The following ABCD3 variants were observed in gnomAD, a reference collection of about 807,000 sequenced individuals.
ABCD3 encodes the protein ATP binding cassette subfamily D member 3.
ABCD3 carries 41 observed loss-of-function variants against 105.5 expected under a neutral mutation model. The ratio of observed to expected loss-of-function variants is 0.39; its 90% CI spans 0.30 to 0.50. The LOEUF is 0.50. Ranked by LOEUF, ABCD3 falls within the 20% of genes least tolerant of loss-of-function variation. The pLI is 0.84. For synonymous variants in ABCD3, 258 were observed against 269.0 expected, an observed-to-expected ratio of 0.96 and a Z score of 0.40; for missense variants, 622 against 806.3, an observed-to-expected ratio of 0.77 and a Z score of 2.77.
chr1:94,391,672 C>T, the ABCD3 span, among the ~76,000 whole-genome samples: 1 of 152,180 alleles, frequency 6.6e-6, no homozygotes, highest in Non-Finnish European at 1.5e-5. Flanking sequence ...TCCTCTGGAT[C>T]CTCCTAGGAA....
chr1:94,418,656 C>T lies in ABCD3; in HGVS notation c.110+68C>T, dbSNP rs994056168. 8 of 1,485,142 alleles carry T rather than the reference C, an allele frequency of 5.4e-6. No homozygotes were observed. In the South Asian group the frequency reaches 6.0e-5, roughly 11 times the overall value. The allele number at this position is 1,485,142 out of a possible 1,614,324, so 92.0% of individuals were successfully genotyped here. ...GGCGCTCCCCGCGCGCTCTCTCTCC[C>T]CACCCGGCCGACAGGTCTCTTTGCC... On this transcript the variant is annotated intron_variant, in intron 1 of 22. Transcript: ENST00000370214.
chr1:94,416,433 T>C (rs12410407), upstream of ABCD3, among the ~76,000 whole-genome samples: 1,047 of 152,284 alleles, frequency 6.9e-3, 57 homozygotes, highest in Admixed American at 0.066. Context: ...ACGTTTTTCT[T>C]CTCTAACAGC....
intron 16 of ABCD3, among the ~76,000 whole-genome samples, chr1:94,492,942 A>T (rs1485612210): frequency 2.6e-5 from 4 of 152,146 alleles, no homozygotes; most frequent in African/African-American, 9.7e-5. Context: ...GTTTGTATTG[A>T]ATAGACTTCT....
At chr1:94,488,043 A>G in intron 13 of ABCD3, 60 bp downstream of exon 13, 1 of 1,329,728 alleles carries the variant, frequency 7.5e-7, no homozygotes, top group Non-Finnish European at 1.1e-6. Context: ...ATTATCCTTA[A>G]TGATTGTATC....
chr1:94,406,516 CT>C, the ABCD3 span: 1 of 387,872 alleles, frequency 2.6e-6, no homozygotes, highest in South Asian at 2.2e-5. Context: ...GTACCTTTCT[CT>C]TTGGCTCCCT....
the ABCD3 span, among the ~76,000 whole-genome samples, chr1:94,385,610 C>T: frequency 6.6e-6 from 1 of 152,202 alleles, no homozygotes; most frequent in Non-Finnish European, 1.5e-5. Context: ...ATGTGTCAGC[C>T]ATGGCCTCAA....
At chr1:94,452,243 TGCTGAATTTTAAAGA>T (rs1340260499) in intron 1 of ABCD3, among the ~76,000 whole-genome samples, 4 of 152,228 alleles carry the variant, frequency 2.6e-5, no homozygotes, top group African/African-American at 9.6e-5. Flanking sequence ...GGAAGATAAG[TGCTGAATTTTAAAGA>T]CGAGTAGTAA....
chr1:94,405,200 T>C, the ABCD3 span, among the ~76,000 whole-genome samples: 1 of 152,232 alleles, frequency 6.6e-6, no homozygotes, highest in African/African-American at 2.4e-5. Context: ...TGTATAGTTT[T>C]ATATTTGAAT....
At chr1:94,404,620 T>TA in the ABCD3 span, among the ~76,000 whole-genome samples, 9 of 152,292 alleles carry the variant, frequency 5.9e-5, 1 homozygote, top group South Asian at 1.7e-3. Flanking sequence ...AGAGAAGTGT[T>TA]ACTCTTTTAC....
intron 21 of ABCD3, among the ~76,000 whole-genome samples, chr1:94,511,463 A>G (rs1650669206): frequency 6.6e-6 from 1 of 151,854 alleles, no homozygotes; most frequent in Admixed American, 6.6e-5. Flanking sequence ...TCTGACAATT[A>G]TGTGTCTTGG....
chr1:94,447,489 G>A (rs1000299377), intron 1 of ABCD3, among the ~76,000 whole-genome samples: 2 of 152,172 alleles, frequency 1.3e-5, no homozygotes, highest in Non-Finnish European at 2.9e-5. Flanking sequence ...TACAATTCCT[G>A]CAGTAAACAA....
In ABCD3 at chr1:94,515,213, C is replaced by A; in HGVS notation, c.1902+11C>A. 1 of 1,599,244 alleles carries A rather than the reference C, an allele frequency of 6.3e-7. No individual in the cohort carries two copies. The highest frequency in any genetic ancestry group is 8.6e-7 in the Non-Finnish European group (1 of 1,167,694). On this transcript the variant is annotated intron_variant, in intron 22 of 22. Coordinates refer to ENST00000370214, the MANE Select transcript of ABCD3 (RefSeq NM_002858.4). ...TGGAAACATCATGAGGTTTGTATTT[C>A]TTTCATTGAATGGTACAGTGAAATT...
Position 94,418,600 on chromosome 1 carries a change from C to T in ABCD3, c.110+12C>T, listed in dbSNP as rs1056451248. On this transcript the variant is annotated intron_variant, in intron 1 of 22. Coordinates refer to ENST00000370214, the MANE Select transcript of ABCD3 (RefSeq NM_002858.4). ...CTCGGCCTGCACGGGTAAGAAGGCC[C>T]GTAGCCGTGCAGCTTTCCCGGGCTG... The T allele has an allele frequency of 5.0e-6, 8 of 1,584,258 alleles. No individual in the cohort carries two copies. The highest frequency in any genetic ancestry group is 1.3e-5 in the African/African-American group (1 of 74,388).
chr1:94,422,257 G>A (rs762268699), intron 1 of ABCD3, among the ~76,000 whole-genome samples: 11 of 152,202 alleles, frequency 7.2e-5, no homozygotes, highest in African/African-American at 2.4e-4. Context: ...CTGTGCAAGC[G>A]AGCATTACCA....
intron 21 of ABCD3, among the ~76,000 whole-genome samples, chr1:94,512,600 A>G (rs1280349646): frequency 2.0e-5 from 3 of 152,020 alleles, no homozygotes; most frequent in Non-Finnish European, 4.4e-5. Flanking sequence ...AAACTCAACA[A>G]TAATTATTTG....
chr1:94,456,255 ATTTTTTTTTTT>A (rs71094301), intron 1 of ABCD3, among the ~76,000 whole-genome samples: 11 of 44,892 alleles, frequency 2.5e-4, no homozygotes, highest in East Asian at 1.5e-3. Flanking sequence ...AAATGACAGA[ATTTTTTTTTTT>A]TTTTTTTTTT....
At chr1:94,445,559 A>G (rs1272295680) in intron 1 of ABCD3, among the ~76,000 whole-genome samples, 2 of 152,116 alleles carry the variant, frequency 1.3e-5, no homozygotes, top group East Asian at 3.9e-4. Context: ...TAAAGTAAAA[A>G]CAGCAAAGGA....
In ABCD3 at chr1:94,498,675, G is replaced by A; in HGVS notation, c.1460G>A (p.Gly487Asp). 1 of 1,613,220 alleles carries A rather than the reference G, an allele frequency of 6.2e-7. No homozygotes were observed. The highest frequency in any genetic ancestry group is 8.5e-7 in the Non-Finnish European group (1 of 1,179,904). The stretch of plus-strand genomic sequence containing the variant: ...AAGAGTTCACTTTTCCGTGTTCTTG[G>A]TGAAGTAAGTACAAGTTGGCCTCAA... ...CGKSSLFRVL[G>D]ELWPLFGGRL... Residue 487 changes from glycine to aspartate, a missense_variant, in exon 17 of 23, where the codon GGT (glycine) becomes GAT (aspartate). Coordinates refer to ENST00000370214, the MANE Select transcript of ABCD3 (RefSeq NM_002858.4).
intron 1 of ABCD3, 136 bp downstream of exon 1, chr1:94,418,724 G>T: frequency 1.2e-6 from 1 of 858,962 alleles, no homozygotes; most frequent in African/African-American, 1.7e-5. Flanking sequence ...GACTGCCGTG[G>T]GACTTCAATG....
Sources: gnomAD v4.1 joint callset for allele counts (sites outside exome capture counted in the v4.1 genomes callset) on GRCh38, gnomAD v4.1.1 for gene constraint, MANE v1.5 for transcripts, NCBI Gene and HGNC (gene_info 2026-07-23, HGNC 2026-07-21) for gene names.